Variants in FOCAD observed in about 807,000 individuals in gnomAD.
FOCAD encodes KIAA1797.
FOCAD carries 198 observed loss-of-function variants against 225.6 expected under a neutral mutation model. The observed-to-expected ratio is 0.88, with a 90% CI of 0.78 to 0.99. FOCAD has a LOEUF of 0.99. Among genes scored for constraint, FOCAD ranks in the 50% least tolerant of loss-of-function variants. The pLI is 0.00. For missense variants in FOCAD, 2,713 were observed against 2,123.6 expected (o/e 1.28, Z -5.46); for synonymous variants, 897 against 755.0 (o/e 1.19, Z -3.08).
intron 8 of FOCAD, among the ~76,000 whole-genome samples, chr9:20,771,478 GT>G (rs1818220815): frequency 6.6e-6 from 1 of 152,200 alleles, no homozygotes; most frequent in Non-Finnish European, 1.5e-5. Context: ...GTATTTATTG[GT>G]TGGGTGCAGT....
At chr9:20,815,078 ACT>A (rs1342273030) in intron 11 of FOCAD, among the ~76,000 whole-genome samples, 1 of 136,980 alleles carries the variant, frequency 7.3e-6, no homozygotes, top group Non-Finnish European at 1.6e-5. Context: ...GTGGTGATGA[ACT>A]CTCTCAGCTT....
chr9:20,953,292 A>G (rs1398102163), intron 35 of FOCAD, among the ~76,000 whole-genome samples: 3 of 152,216 alleles, frequency 2.0e-5, no homozygotes, highest in African/African-American at 4.8e-5. Flanking sequence ...GTCTCCGACC[A>G]TGGGTGGCTC....
chr9:20,721,201 T>G (rs1825742165), intron 4 of FOCAD, among the ~76,000 whole-genome samples: 1 of 152,218 alleles, frequency 6.6e-6, no homozygotes, highest in Non-Finnish European at 1.5e-5. Context: ...AGAAATTGTC[T>G]TGATCTATAT....
In FOCAD at chr9:20,937,984, C is replaced by T. The variant is rs566888780; in HGVS notation, c.3407+4881C>T. 7.9e-5 allele frequency among the ~76,000 whole-genome samples: 12 copies of T among 152,180 alleles called. No homozygotes were observed. The South Asian group carries it at 8.3e-4, about 11-fold the overall frequency. Reference sequence around the variant, plus strand: ...GCCAAAAGACACATGAAAAAATGCTCATCATCACTGGCCATCAGAGAAATG... The same window carrying T: ...GCCAAAAGACACATGAAAAAATGCTTATCATCACTGGCCATCAGAGAAATG... On this transcript the variant is annotated intron_variant, in intron 28 of 43. Transcript: ENST00000338382.
chr9:20,917,082 C>T, intron 24 of FOCAD, 145 bp downstream of exon 24: 2 of 624,188 alleles, frequency 3.2e-6, no homozygotes, highest in East Asian at 3.0e-5. Context: ...TTAATCGTTA[C>T]CCTTCTTATA....
chr9:20,797,182 G>C (rs957907337), intron 11 of FOCAD, among the ~76,000 whole-genome samples: 3 of 152,152 alleles, frequency 2.0e-5, no homozygotes, highest in Non-Finnish European at 4.4e-5. Context: ...CTGTATCTCT[G>C]TTTTGGTACC....
intron 24 of FOCAD, among the ~76,000 whole-genome samples, chr9:20,921,194 T>C (rs1834391347): frequency 6.6e-6 from 1 of 152,154 alleles, no homozygotes; most frequent in African/African-American, 2.4e-5. Flanking sequence ...AAGATAAAAA[T>C]CACTGAAGTA....
chr9:20,867,862 C>T (rs989203100), intron 18 of FOCAD, among the ~76,000 whole-genome samples: 2 of 151,992 alleles, frequency 1.3e-5, no homozygotes, highest in African/African-American at 4.8e-5. Context: ...ATGGGTTTGC[C>T]TTTTTCTTCT....
At chr9:20,832,791 T>G (rs1825641282) in intron 15 of FOCAD, among the ~76,000 whole-genome samples, 2 of 152,068 alleles carry the variant, frequency 1.3e-5, no homozygotes, top group Admixed American at 1.3e-4. Flanking sequence ...AGGACCTCCA[T>G]TTTTAAGGCT....
intron 15 of FOCAD, among the ~76,000 whole-genome samples, chr9:20,838,934 G>A (rs530439969): frequency 3.0e-4 from 46 of 151,876 alleles, no homozygotes; most frequent in African/African-American, 9.2e-4. Flanking sequence ...AATATTTAAC[G>A]TATGGATTGG....
At position 20,821,091 on chromosome 9, in the gene FOCAD, T is replaced by C. The variant is rs375234467; in HGVS notation, c.1793+20T>C. 3.7e-6 allele frequency: 6 copies of C among 1,602,904 alleles called. No individual in the cohort carries two copies. The highest frequency in any genetic ancestry group is 4.3e-6 in the Non-Finnish European group (5 of 1,173,854). On this transcript the variant is annotated intron_variant, in intron 14 of 43. Coordinates refer to ENST00000338382, the MANE Select transcript of FOCAD (RefSeq NM_001375567.1). Reference sequence around the variant, plus strand: ...GCAGAGGTATGATGTCATTAACTCTTAGGAATGTATATCATGATATATTAT... The same window carrying C: ...GCAGAGGTATGATGTCATTAACTCTCAGGAATGTATATCATGATATATTAT...
intron 21 of FOCAD, among the ~76,000 whole-genome samples, chr9:20,897,212 C>T (rs1832164191): frequency 6.6e-6 from 1 of 151,668 alleles, no homozygotes; most frequent in Admixed American, 6.6e-5. Flanking sequence ...TATAGGTCTT[C>T]CTGCTTTCTT....
intron 11 of FOCAD, among the ~76,000 whole-genome samples, chr9:20,795,491 A>G (rs1323801219): frequency 2.0e-5 from 3 of 152,170 alleles, no homozygotes; most frequent in Non-Finnish European, 4.4e-5. Context: ...TTAAGAAGAC[A>G]CAGCATGTTT....
At chr9:20,706,097 G>C (rs1183203071) in intron 1 of FOCAD, among the ~76,000 whole-genome samples, 1 of 151,710 alleles carries the variant, frequency 6.6e-6, no homozygotes, top group Non-Finnish European at 1.5e-5. Flanking sequence ...ACCATACCCG[G>C]CTAATTTTTA....
At chr9:20,808,807 C>T (rs1822740351) in intron 11 of FOCAD, among the ~76,000 whole-genome samples, 1 of 152,188 alleles carries the variant, frequency 6.6e-6, no homozygotes, top group Non-Finnish European at 1.5e-5. Context: ...ACTCTGCTAC[C>T]TACTAGTTCT....
At chr9:20,786,134 G>C (rs935216964) in intron 10 of FOCAD, among the ~76,000 whole-genome samples, 3 of 152,104 alleles carry the variant, frequency 2.0e-5, no homozygotes, top group Non-Finnish European at 2.9e-5. Flanking sequence ...CCTGAATCCT[G>C]TTACCTGCAC....
At chr9:20,716,544 CTCT>C (rs1350141342) in intron 2 of FOCAD, among the ~76,000 whole-genome samples, 1 of 152,014 alleles carries the variant, frequency 6.6e-6, no homozygotes, top group Non-Finnish European at 1.5e-5. Flanking sequence ...AATTAAGCTT[CTCT>C]TCTTTTATTT....
intron 4 of FOCAD, among the ~76,000 whole-genome samples, chr9:20,721,954 T>C (rs1361645127): frequency 9.7e-5 from 3 of 30,874 alleles, no homozygotes; most frequent in African/African-American, 1.6e-4. Context: ...TCCCTTCCCC[T>C]CCCCTCCCTT....
intron 24 of FOCAD, among the ~76,000 whole-genome samples, chr9:20,922,842 G>C (rs931023716): frequency 3.3e-5 from 5 of 152,208 alleles, no homozygotes; most frequent in Non-Finnish European, 5.9e-5. Flanking sequence ...CATCTGATTG[G>C]TGTCCCATAG....
Sources: gnomAD v4.1 joint callset for allele counts (sites outside exome capture counted in the v4.1 genomes callset) on GRCh38, gnomAD v4.1.1 for gene constraint, MANE v1.5 for transcripts, NCBI Gene and HGNC (gene_info 2026-07-23, HGNC 2026-07-21) for gene names.